The following RAB11FIP4 variants were observed in gnomAD, a reference collection of about 807,000 sequenced individuals.
RAB11FIP4 encodes the protein RAB11 family interacting protein 4.
Under a neutral mutation model 74.3 loss-of-function variants are expected in RAB11FIP4, and 23 were observed. That is an observed-to-expected ratio of 0.31 (90% CI 0.22 to 0.44). The LOEUF is 0.44. RAB11FIP4 is among the 20% of genes least tolerant of loss of function. The pLI is 1.00. For synonymous variants in RAB11FIP4, 360 were observed against 359.9 expected, an observed-to-expected ratio of 1.00 and a Z score of 0.00; for missense variants, 630 against 863.9, an observed-to-expected ratio of 0.73 and a Z score of 3.39.
intron 7 of RAB11FIP4, 154 bp downstream of exon 7, chr17:31,522,549 C>T: frequency 2.9e-6 from 2 of 681,224 alleles, no homozygotes; most frequent in Non-Finnish European, 5.0e-6. Flanking sequence ...GCAGCCAGGG[C>T]AGCGTCACTT....
intron 3 of RAB11FIP4, among the ~76,000 whole-genome samples, chr17:31,502,362 T>A (rs891161825): frequency 1.3e-5 from 2 of 151,874 alleles, no homozygotes; most frequent in Non-Finnish European, 2.9e-5. Flanking sequence ...GTAGATCACT[T>A]GAGGTCAGGA....
At chr17:31,458,836 G>A (rs962046018) in intron 3 of RAB11FIP4, among the ~76,000 whole-genome samples, 7 of 152,222 alleles carry the variant, frequency 4.6e-5, no homozygotes, top group African/African-American at 1.7e-4. Context: ...TTCCTCCCCA[G>A]GAGAAAACAG....
chr17:31,517,074 A>G (rs1360730026), intron 3 of RAB11FIP4, among the ~76,000 whole-genome samples: 1 of 151,642 alleles, frequency 6.6e-6, no homozygotes, highest in Admixed American at 6.6e-5. Context: ...TGATATTCCT[A>G]TGCAAATTAA....
chr17:31,514,324 G>A (rs892095960), intron 3 of RAB11FIP4, among the ~76,000 whole-genome samples: 2 of 152,224 alleles, frequency 1.3e-5, no homozygotes, highest in Admixed American at 6.5e-5. Context: ...CTGTGTCCTC[G>A]TGTCAGTGGC....
Position 31,474,880 on chromosome 17 carries a change from AAC to A in RAB11FIP4, c.336+40760_336+40761del, listed in dbSNP as rs2071775875. Among the ~76,000 whole-genome samples, 54 of 38,652 alleles carry A rather than the reference AAC, an allele frequency of 1.4e-3. No individual in the cohort carries two copies. The East Asian group carries it at 0.04, about 29-fold the overall frequency. The allele number at this position is 38,652 out of a possible 152,430, so 25.4% of individuals were successfully genotyped here. On this transcript the variant is annotated intron_variant, in intron 3 of 14. Coordinates refer to ENST00000621161, the MANE Select transcript of RAB11FIP4 (RefSeq NM_032932.6). ...CAAAACAAAACAAAACAAAACAAAA[AAC>A]AAAAAAAAAACAGAGATTCACCTCA...
chr17:31,474,983 G>A (rs1185652774), intron 3 of RAB11FIP4, among the ~76,000 whole-genome samples: 3 of 152,168 alleles, frequency 2.0e-5, no homozygotes, highest in South Asian at 2.1e-4. Context: ...CCGCTGTGGT[G>A]TTCAGGGAGG....
chr17:31,527,419 T>C, intron 10 of RAB11FIP4: 1 of 157,848 alleles, frequency 6.3e-6, no homozygotes, highest in Non-Finnish European at 1.4e-5. Flanking sequence ...CTGGCCAACA[T>C]GGCAAAACCC....
chr17:31,516,599 A>G (rs1460253779), intron 3 of RAB11FIP4, among the ~76,000 whole-genome samples: 2 of 152,164 alleles, frequency 1.3e-5, no homozygotes, highest in African/African-American at 2.4e-5. Flanking sequence ...CCTCCCGAGT[A>G]GCTGGGACTA....
intron 3 of RAB11FIP4, among the ~76,000 whole-genome samples, chr17:31,441,716 C>T (rs1243947091): frequency 6.7e-6 from 1 of 150,356 alleles, no homozygotes; most frequent in African/African-American, 2.4e-5. Context: ...TTAGTAGAGA[C>T]GGGGTTTCAC....
At chr17:31,444,820 A>G (rs983486672) in intron 3 of RAB11FIP4, among the ~76,000 whole-genome samples, 2 of 152,188 alleles carry the variant, frequency 1.3e-5, no homozygotes, top group Non-Finnish European at 2.9e-5. Context: ...GTCTCATTTC[A>G]GCATCCTTTC....
intron 3 of RAB11FIP4, among the ~76,000 whole-genome samples, chr17:31,434,869 C>G (rs1015699256): frequency 6.6e-5 from 10 of 152,184 alleles, no homozygotes; most frequent in Admixed American, 4.6e-4. Context: ...TACCAGCACC[C>G]GGGCTCTCTG....
In RAB11FIP4 at chr17:31,531,053, A is replaced by G. The variant is rs139737614; in HGVS notation, c.1798-563A>G. 144 of 157,972 alleles carry G rather than the reference A, an allele frequency of 9.1e-4. 2 individuals carry two copies. The Middle Eastern group carries it at 0.01, about 11-fold the overall frequency. 9.8% of individuals were successfully genotyped at this position (157,972 alleles called of 1,614,324 possible). A position where few individuals can be genotyped will look rare whatever the true frequency, so the allele number is the denominator to read the frequency against. ...ATGCCCCGGCTGCATTGTAACATGA[A>G]TTACAAGACACTCTGTCACTGAGCC... is the stretch of plus-strand genomic sequence containing the variant. On this transcript the variant is annotated intron_variant, in intron 14 of 14. Coordinates refer to ENST00000621161, the MANE Select transcript of RAB11FIP4 (RefSeq NM_032932.6).
intron 3 of RAB11FIP4, among the ~76,000 whole-genome samples, chr17:31,453,374 AAAAAAAC>A (rs1226452174): frequency 1.2e-4 from 16 of 134,354 alleles, no homozygotes; most frequent in African/African-American, 4.9e-4. Flanking sequence ...AAAAAAAAAA[AAAAAAAC>A]AAACCTGGGG....
chr17:31,474,095 G>A (rs1402844058), intron 3 of RAB11FIP4, among the ~76,000 whole-genome samples: 4 of 152,168 alleles, frequency 2.6e-5, no homozygotes, highest in African/African-American at 4.8e-5. Context: ...CAGCTGCAAT[G>A]CAATCCACTT....
chr17:31,417,266 A>C (rs1029131643), intron 1 of RAB11FIP4, among the ~76,000 whole-genome samples: 13 of 152,186 alleles, frequency 8.5e-5, no homozygotes, highest in Middle Eastern at 3.4e-3. Context: ...ATCTGGCCCC[A>C]GCACCTGCCT....
At chr17:31,450,842 T>A in intron 3 of RAB11FIP4, among the ~76,000 whole-genome samples, 1 of 148,814 alleles carries the variant, frequency 6.7e-6, no homozygotes, top group East Asian at 1.9e-4. Context: ...GGCTACACCC[T>A]TTGATCTGAT....
chr17:31,409,258 T>C (rs1750509215), intron 1 of RAB11FIP4, among the ~76,000 whole-genome samples: 1 of 152,178 alleles, frequency 6.6e-6, no homozygotes, highest in African/African-American at 2.4e-5. Context: ...CAATATTCTT[T>C]TGCATATTAA....
At chr17:31,437,246 G>T (rs573216323) in intron 3 of RAB11FIP4, among the ~76,000 whole-genome samples, 1 of 152,276 alleles carries the variant, frequency 6.6e-6, no homozygotes, top group South Asian at 2.1e-4. Context: ...CGTGTTGGCA[G>T]GGAGAGGAAG....
chr17:31,514,369 G>A (rs181117681), intron 3 of RAB11FIP4, among the ~76,000 whole-genome samples: 35 of 152,338 alleles, frequency 2.3e-4, no homozygotes, highest in Admixed American at 8.5e-4. Flanking sequence ...GAGCAAGGAC[G>A]CTGATCTGCA....
Sources: gnomAD v4.1 joint callset for allele counts (sites outside exome capture counted in the v4.1 genomes callset) on GRCh38, gnomAD v4.1.1 for gene constraint, MANE v1.5 for transcripts, NCBI Gene and HGNC (gene_info 2026-07-23, HGNC 2026-07-21) for gene names.